Variants in PARM1 observed in about 807,000 individuals in gnomAD.
PARM1 encodes prostate androgen-regulated mucin-like protein 1, also known as WSC4, cell wall integrity and stress response component 4 homolog.
PARM1 carries 14 observed loss-of-function variants against 24.6 expected under a neutral mutation model. That is an observed-to-expected ratio of 0.57 (90% CI 0.38 to 0.89). PARM1 has a LOEUF of 0.89. Ranked by LOEUF, PARM1 falls within the 40% of genes least tolerant of loss-of-function variation. The pLI is 0.00. For synonymous variants in PARM1, 179 were observed against 156.6 expected (o/e 1.14, Z -1.07); for missense variants, 362 against 380.4 (o/e 0.95, Z 0.40).
At chr4:74,993,760 A>G (rs1722521627) in intron 1 of PARM1, 2 of 152,164 alleles carry the variant, frequency 1.3e-5, no homozygotes, top group Non-Finnish European at 2.9e-5. Context: ...AGACAGGGCT[A>G]GGCATGAAGA....
chr4:75,042,549 A>G (rs1332163483), intron 3 of PARM1, among the ~76,000 whole-genome samples: 2 of 152,048 alleles, frequency 1.3e-5, no homozygotes, highest in African/African-American at 2.4e-5. Context: ...TATCTTGAGA[A>G]TGGGAGTTGC....
chr4:74,953,018 C>A (rs558003965), intron 1 of PARM1, among the ~76,000 whole-genome samples: 1 of 152,284 alleles, frequency 6.6e-6, no homozygotes, highest in African/African-American at 2.4e-5. Context: ...AATTCACTTT[C>A]CCTCCCCACA....
intron 1 of PARM1, among the ~76,000 whole-genome samples, chr4:74,982,367 T>C (rs2109773207): frequency 6.6e-6 from 1 of 152,310 alleles, no homozygotes; most frequent in South Asian, 2.1e-4. Flanking sequence ...ACCTAGGTGA[T>C]GGCTTGGTAT....
chr4:74,962,546 A>G (rs1164852179), intron 1 of PARM1, among the ~76,000 whole-genome samples: 1 of 152,234 alleles, frequency 6.6e-6, no homozygotes, highest in Non-Finnish European at 1.5e-5. Flanking sequence ...CCACCTATAT[A>G]CTATCTACCA....
rs181826175 is a variant in PARM1, at chr4:74,934,229, C to T, written c.43+859C>T. Among the ~76,000 whole-genome samples the T allele has an allele frequency of 2.4e-3, 358 of 152,236 alleles. 3 individuals are homozygous for T. Among genetic ancestry groups the T allele is most frequent in the South Asian group, 2.9e-3 (14 of 4,818 alleles). ...CGCTTTGAATCTAGAGTTCAGGTAC[C>T]TATTTTTTCCAGAAAACGTCTCCCG... On this transcript the variant is annotated intron_variant, in intron 1 of 3. Transcript: ENST00000307428.
intron 1 of PARM1, among the ~76,000 whole-genome samples, chr4:74,967,939 T>G (rs1391966930): frequency 6.6e-6 from 1 of 152,226 alleles, no homozygotes; most frequent in Admixed American, 6.5e-5. Flanking sequence ...AACACAGAAT[T>G]CTGTTGCCTT....
At chr4:74,951,604 G>A (rs920493425) in intron 1 of PARM1, among the ~76,000 whole-genome samples, 2 of 151,534 alleles carry the variant, frequency 1.3e-5, no homozygotes, top group African/African-American at 2.4e-5. Context: ...CCAACCCCGC[G>A]ACAGGCCCCA....
At chr4:75,001,725 C>T (rs146324827) in intron 1 of PARM1, among the ~76,000 whole-genome samples, 2 of 152,246 alleles carry the variant, frequency 1.3e-5, no homozygotes, top group African/African-American at 4.8e-5. Context: ...AAAATGGTGG[C>T]AGAGAGAAGA....
At chr4:75,032,316 T>A (rs1003799060) in intron 2 of PARM1, among the ~76,000 whole-genome samples, 1 of 152,204 alleles carries the variant, frequency 6.6e-6, no homozygotes, top group African/African-American at 2.4e-5. Context: ...CATGGATGTT[T>A]GATGTAGCAT....
chr4:75,040,541 C>T (rs1212176628), intron 3 of PARM1, among the ~76,000 whole-genome samples: 1 of 152,212 alleles, frequency 6.6e-6, no homozygotes, highest in African/African-American at 2.4e-5. Context: ...TTGTGATACT[C>T]ACTCTGCCAC....
intron 2 of PARM1, among the ~76,000 whole-genome samples, chr4:75,019,376 G>C (rs182622453): frequency 1.5e-4 from 23 of 152,278 alleles, no homozygotes; most frequent in Admixed American, 3.9e-4. Flanking sequence ...TGTGCTTGTT[G>C]CAAAGTAGAT....
chr4:74,945,970 G>T (rs951768085), intron 1 of PARM1, among the ~76,000 whole-genome samples: 12 of 152,192 alleles, frequency 7.9e-5, no homozygotes, highest in Non-Finnish European at 1.8e-4. Flanking sequence ...AGTTTTAGGG[G>T]TGATCTAGGC....
In PARM1 at chr4:75,012,374, A is replaced by G. The variant is rs923831009; in HGVS notation, c.44-51A>G. The G allele has an allele frequency of 6.3e-6, 10 of 1,577,136 alleles. No homozygotes were observed. The African/African-American group carries it at 1.1e-4, about 17-fold the overall frequency. Reference sequence around the variant, plus strand: ...GGTAAAAGCCTTGCCTCTATTTCACATATTACCGTGTTTTCACATATTAAC... The same window carrying G: ...GGTAAAAGCCTTGCCTCTATTTCACGTATTACCGTGTTTTCACATATTAAC... On this transcript the variant is annotated intron_variant, in intron 1 of 3. Coordinates refer to ENST00000307428, the MANE Select transcript of PARM1 (RefSeq NM_015393.4).
rs1723677443 is a variant in PARM1, at chr4:75,049,602, C to T, written c.*3355C>T. 1 of 152,612 alleles carries T rather than the reference C, an allele frequency of 6.6e-6. No individual in the cohort carries two copies. Among genetic ancestry groups the T allele is most frequent in the Non-Finnish European group, 1.5e-5 (1 of 68,048 alleles). The allele number at this position is 152,612 out of a possible 1,614,324, so 9.5% of individuals were successfully genotyped here. On this transcript the variant is annotated 3_prime_UTR_variant, in exon 4 of 4. Transcript: ENST00000307428. ...GCCTAGGACATAGGTCTCAAAGACT[C>T]TTGGATCAGAATCAGGAGATTAGGG...
chr4:74,933,199 C>T lies in PARM1; in HGVS notation c.-129C>T. On this transcript the variant is annotated 5_prime_UTR_variant, in exon 1 of 4. Coordinates refer to ENST00000307428, the MANE Select transcript of PARM1 (RefSeq NM_015393.4). Reference sequence around the variant, plus strand: ...GTTTGCCTCGCGCCCTCCACTGGAGCTGTTCGCGCCTCCCGGCTCCCACCG... The same window carrying T: ...GTTTGCCTCGCGCCCTCCACTGGAGTTGTTCGCGCCTCCCGGCTCCCACCG... 2.8e-6 allele frequency: 2 copies of T among 712,026 alleles called. No homozygotes were observed. The highest frequency in any genetic ancestry group is 4.9e-6 in the Non-Finnish European group (2 of 410,032). The allele number at this position is 712,026 out of a possible 1,614,324, so 44.1% of individuals were successfully genotyped here. A position where few individuals can be genotyped will look rare whatever the true frequency, so the allele number is the denominator to read the frequency against.
chr4:74,975,421 G>T (rs975065111), intron 1 of PARM1, among the ~76,000 whole-genome samples: 8 of 152,214 alleles, frequency 5.3e-5, no homozygotes, highest in African/African-American at 1.9e-4. Context: ...AATTGACTTT[G>T]TGTGAGTTTT....
At chr4:75,021,894 A>G (rs1261396369) in intron 2 of PARM1, among the ~76,000 whole-genome samples, 1 of 152,176 alleles carries the variant, frequency 6.6e-6, no homozygotes, top group Admixed American at 6.5e-5. Flanking sequence ...TGTCTTTGCT[A>G]TTGTGAATAG....
chr4:74,933,316 T>C lies in PARM1; in HGVS notation c.-12T>C, dbSNP rs1243308424. ...CGCCCGCCCCGGGCTGGGCACCAAATACCAGGCTACCATGGTCTACAAGAC... is the reference window on the plus strand; with the variant it reads ...CGCCCGCCCCGGGCTGGGCACCAAACACCAGGCTACCATGGTCTACAAGAC... On this transcript the variant is annotated 5_prime_UTR_variant, in exon 1 of 4. Transcript: ENST00000307428. The C allele has an allele frequency of 6.2e-7, 1 of 1,608,958 alleles. No individual in the cohort carries two copies. The highest frequency in any genetic ancestry group is 1.7e-5 in the Admixed American group (1 of 59,322).
At chr4:75,020,661 T>C (rs1723073646) in intron 2 of PARM1, among the ~76,000 whole-genome samples, 1 of 152,186 alleles carries the variant, frequency 6.6e-6, no homozygotes, top group Non-Finnish European at 1.5e-5. Flanking sequence ...TCAGTTTATG[T>C]GGGCTCCACT....
Sources: gnomAD v4.1 joint callset for allele counts (sites outside exome capture counted in the v4.1 genomes callset) on GRCh38, gnomAD v4.1.1 for gene constraint, MANE v1.5 for transcripts, NCBI Gene and HGNC (gene_info 2026-07-23, HGNC 2026-07-21) for gene names.